The following KIF11 variants were observed in gnomAD, a reference collection of about 807,000 sequenced individuals.
KIF11 encodes the protein kinesin-like protein KIF11.
Under a neutral mutation model 121.0 loss-of-function variants are expected in KIF11, and 9 were observed. The ratio of observed to expected loss-of-function variants is 0.07; its 90% CI spans 0.04 to 0.13. KIF11 has a LOEUF of 0.13. Among genes scored for constraint, KIF11 ranks in the 10% least tolerant of loss-of-function variants. The pLI is 1.00. For missense variants in KIF11, 846 were observed against 1,217.5 expected, an observed-to-expected ratio of 0.69 and a Z score of 4.54; for synonymous variants, 408 against 421.0, an observed-to-expected ratio of 0.97 and a Z score of 0.38.
intron 1 of KIF11, among the ~76,000 whole-genome samples, chr10:92,601,936 T>G (rs1042614748): frequency 6.6e-6 from 1 of 152,176 alleles, no homozygotes; most frequent in African/African-American, 2.4e-5. Context: ...GTTGAGGTAG[T>G]TTCACTCTAT....
chr10:92,630,759 G>A (rs985081276), intron 12 of KIF11, among the ~76,000 whole-genome samples: 8 of 150,628 alleles, frequency 5.3e-5, no homozygotes, highest in African/African-American at 1.7e-4. Context: ...CCAGCTACTC[G>A]GGAAGGCTGA....
chr10:92,593,298 C>T lies in KIF11; in HGVS notation c.-78C>T. 4.1e-6 allele frequency: 6 copies of T among 1,463,366 alleles called. No homozygotes were observed. Among genetic ancestry groups the T allele is most frequent in the Non-Finnish European group, 4.7e-6 (5 of 1,074,432 alleles). 90.6% of individuals were successfully genotyped at this position (1,463,366 alleles called of 1,614,324 possible). On this transcript the variant is annotated 5_prime_UTR_variant, in exon 1 of 22. Coordinates refer to ENST00000260731, the MANE Select transcript of KIF11 (RefSeq NM_004523.4). The stretch of plus-strand genomic sequence containing the variant: ...AGAGGGACCAGGGAGACTCCGGCCC[C>T]TGTCGGCCGCCAAGCCCCTCCGCCC...
intron 14 of KIF11, 89 bp from the exon 15 acceptor site, chr10:92,637,095 C>T: frequency 1.1e-6 from 1 of 884,634 alleles, no homozygotes; most frequent in Non-Finnish European, 1.7e-6. Flanking sequence ...GAATGTTTAG[C>T]TACCAAAGTA....
intron 21 of KIF11, among the ~76,000 whole-genome samples, chr10:92,651,985 A>AAT (rs147709522): frequency 0.031 from 3,961 of 127,694 alleles, 102 homozygotes; most frequent in Admixed American, 0.041. Context: ...TTTTTTTTTA[A>AAT]ATATATATAG....
At chr10:92,653,360 C>T (rs1845008574) in intron 21 of KIF11, among the ~76,000 whole-genome samples, 1 of 152,204 alleles carries the variant, frequency 6.6e-6, no homozygotes, top group South Asian at 2.1e-4. Context: ...CAAATGTCCC[C>T]TGTGGCAGCA....
At position 92,593,356 on chromosome 10, in the gene KIF11, A is replaced by C; in HGVS notation, c.-20A>C. The C allele has an allele frequency of 6.2e-7, 1 of 1,601,360 alleles. No individual in the cohort carries two copies. The highest frequency in any genetic ancestry group is 8.5e-7 in the Non-Finnish European group (1 of 1,174,952). The stretch of plus-strand genomic sequence containing the variant: ...CGCCCAGGTCCGCGGCCGGGCCTTG[A>C]TTTTTTGGCGGGGACCGTCATGGCG... On this transcript the variant is annotated 5_prime_UTR_variant, in exon 1 of 22. Coordinates refer to ENST00000260731, the MANE Select transcript of KIF11 (RefSeq NM_004523.4).
At chr10:92,633,457 T>G (rs1360233030) in intron 13 of KIF11, among the ~76,000 whole-genome samples, 166 bp from the exon 14 acceptor site, 1 of 152,220 alleles carries the variant, frequency 6.6e-6, no homozygotes, top group Non-Finnish European at 1.5e-5. Context: ...AAAATTGTAA[T>G]GTATATTTAA....
chr10:92,601,679 A>G (rs1244528726), intron 1 of KIF11, among the ~76,000 whole-genome samples: 2 of 151,586 alleles, frequency 1.3e-5, no homozygotes, highest in Non-Finnish European at 2.9e-5. Flanking sequence ...CTATAGACAC[A>G]CTACTACACC....
chr10:92,601,575 A>C (rs1424019915), intron 1 of KIF11, among the ~76,000 whole-genome samples: 1 of 151,460 alleles, frequency 6.6e-6, no homozygotes, highest in Admixed American at 6.6e-5. Context: ...TGGAAGTGGC[A>C]AAAGTGGGCA....
chr10:92,617,506 A>G (rs1219927640), intron 9 of KIF11, among the ~76,000 whole-genome samples: 4 of 151,924 alleles, frequency 2.6e-5, no homozygotes, highest in Non-Finnish European at 4.4e-5. Context: ...CTTTGTGTTG[A>G]TGTGTTTTCA....
intron 21 of KIF11, among the ~76,000 whole-genome samples, chr10:92,652,464 C>T (rs1844998917): frequency 6.6e-6 from 1 of 152,102 alleles, no homozygotes; most frequent in Admixed American, 6.6e-5. Flanking sequence ...AATAGATCTA[C>T]AGCTCCTTCC....
intron 6 of KIF11, 121 bp downstream of exon 6, chr10:92,609,630 A>G (rs1742448611): frequency 1.2e-6 from 1 of 832,460 alleles, no homozygotes; most frequent in Admixed American, 2.6e-5. Flanking sequence ...TTTGTGTTAT[A>G]AGGAGGGGTC....
intron 8 of KIF11, 55 bp from the exon 9 acceptor site, chr10:92,616,682 G>T: frequency 1.1e-6 from 1 of 873,226 alleles, no homozygotes. Flanking sequence ...TTAGATAACA[G>T]AACTACATTA....
At position 92,632,590 on chromosome 10, in the gene KIF11, T is replaced by C. The variant is rs1381547920; in HGVS notation, c.1599T>C (p.Ile533=). The C allele has an allele frequency of 6.2e-7, 1 of 1,613,936 alleles. No homozygotes were observed. Among genetic ancestry groups the C allele is most frequent in the South Asian group, 1.1e-5 (1 of 91,066 alleles). ...VDQHNAEAQD[I]FGKNLNSLFN... The stretch of plus-strand genomic sequence containing the variant: ...AACACAATGCAGAAGCTCAGGATAT[T>C]TTTGGCAAAAACCTGAATAGTCTGT... Residue 533 remains isoleucine (I), a synonymous_variant, in exon 13 of 22, where the codon ATT becomes ATC. Coordinates refer to ENST00000260731, the MANE Select transcript of KIF11 (RefSeq NM_004523.4).
chr10:92,609,017 C>T lies in KIF11; in HGVS notation c.388-3C>T, dbSNP rs1256648641. The T allele has an allele frequency of 2.0e-6, 3 of 1,502,176 alleles. No homozygotes were observed. The highest frequency in any genetic ancestry group is 2.3e-5 in the East Asian group (1 of 43,608). The allele number at this position is 1,502,176 out of a possible 1,614,324, so 93.1% of individuals were successfully genotyped here. A position where few individuals can be genotyped will look rare whatever the true frequency, so the allele number is the denominator to read the frequency against. On this transcript the variant is annotated splice_region_variant and splice_polypyrimidine_tract_variant and intron_variant, in intron 4 of 21. Transcript: ENST00000260731. ...TTTATATTAGTCCTTATTATAATTTCAGGATCCCTTGGCTGGTATAATTCC... is the reference window on the plus strand; with the variant it reads ...TTTATATTAGTCCTTATTATAATTTTAGGATCCCTTGGCTGGTATAATTCC...
At chr10:92,607,969 A>G (rs1192847916) in intron 4 of KIF11, among the ~76,000 whole-genome samples, 2 of 151,952 alleles carry the variant, frequency 1.3e-5, no homozygotes, top group Admixed American at 1.3e-4. Context: ...AGCCTGGCCA[A>G]CATGGTGAAA....
intron 4 of KIF11, among the ~76,000 whole-genome samples, chr10:92,608,446 G>GTT (rs201301664): frequency 0.093 from 13,815 of 148,700 alleles, 1,488 homozygotes; most frequent in African/African-American, 0.27. Flanking sequence ...TGAACTTGGC[G>GTT]TTTTTTTTTT....
At chr10:92,625,049 G>A (rs570514846) in intron 10 of KIF11, among the ~76,000 whole-genome samples, 1 of 152,024 alleles carries the variant, frequency 6.6e-6, no homozygotes, top group Admixed American at 6.6e-5. Context: ...GATTACAGGT[G>A]TGAGCCACCA....
At chr10:92,597,571 CT>C (rs560756327) in intron 1 of KIF11, among the ~76,000 whole-genome samples, 1 of 151,624 alleles carries the variant, frequency 6.6e-6, no homozygotes, top group Admixed American at 6.6e-5. Context: ...CCAGAGTTCT[CT>C]TTTTTTTACC....
Sources: gnomAD v4.1 joint callset for allele counts (sites outside exome capture counted in the v4.1 genomes callset) on GRCh38, gnomAD v4.1.1 for gene constraint, MANE v1.5 for transcripts, NCBI Gene and HGNC (gene_info 2026-07-23, HGNC 2026-07-21) for gene names.